GRAMD1C: variants seen among roughly 807,000 people sequenced by gnomAD.
GRAMD1C encodes GRAM domain containing 1C.
A neutral mutation model predicts 97.8 loss-of-function variants in GRAMD1C; 89 were observed. That is an observed-to-expected ratio of 0.91 (90% CI 0.77 to 1.09). The LOEUF (loss-of-function observed/expected upper bound fraction) is 1.09, where lower values mean the gene tolerates loss of function less well. Among genes scored for constraint, GRAMD1C ranks in the 50% least tolerant of loss-of-function variants. GRAMD1C has a pLI of 0.00. For missense variants in GRAMD1C, 740 were observed against 766.4 expected, an observed-to-expected ratio of 0.97 and a Z score of 0.41; for synonymous variants, 256 against 267.0, an observed-to-expected ratio of 0.96 and a Z score of 0.40.
rs777978049 is a variant in GRAMD1C, at chr3:113,933,572, A to G, written c.1271A>G (p.His424Arg). Residue 424 changes from histidine (H) to arginine (R), a missense_variant, in exon 12 of 18, where the codon CAT (histidine) becomes CGT (arginine). His to Arg is a conservative substitution (Grantham distance 29). Coordinates refer to ENST00000358160, the MANE Select transcript of GRAMD1C (RefSeq NM_017577.5). ...TTGGTAGATTCAGAAGTACTGACAC[A>G]TGATGTCCCCTACCATGATTACTTC... ...FYLVDSEVLT[H>R]DVPYHDYFYT... The G allele has an allele frequency of 4.8e-5, 77 of 1,602,894 alleles. 1 individual carries two copies. In the South Asian group the frequency reaches 8.0e-4, roughly 17 times the overall value.
chr3:113,850,562 G>T (rs535261955), intron 2 of GRAMD1C: 6 of 1,602,966 alleles, frequency 3.7e-6, no homozygotes, highest in Non-Finnish European at 5.1e-6. Context: ...GTTCCTTCAC[G>T]TAGCCTCAGG....
At chr3:113,912,011 G>A (rs1024989303) in intron 9 of GRAMD1C, among the ~76,000 whole-genome samples, 3 of 152,282 alleles carry the variant, frequency 2.0e-5, no homozygotes, top group Middle Eastern at 3.4e-3. Context: ...ACAGGCATGA[G>A]CCACCGCACC....
chr3:113,940,725 T>C (rs1336429286), intron 17 of GRAMD1C, among the ~76,000 whole-genome samples: 1 of 152,200 alleles, frequency 6.6e-6, no homozygotes, highest in Non-Finnish European at 1.5e-5. Flanking sequence ...CACTGTCCAT[T>C]ATTTTACTTT....
chr3:113,868,892 C>T (rs550411961), intron 2 of GRAMD1C, among the ~76,000 whole-genome samples: 5 of 152,100 alleles, frequency 3.3e-5, no homozygotes, highest in African/African-American at 7.2e-5. Flanking sequence ...GGCTTCCTCT[C>T]CTTCAAGATC....
chr3:113,848,987 AC>A (rs1217947027), intron 2 of GRAMD1C, among the ~76,000 whole-genome samples: 2 of 151,616 alleles, frequency 1.3e-5, no homozygotes, highest in Non-Finnish European at 2.9e-5. Context: ...AAAATGTAAA[AC>A]AAACAAACAA....
chr3:113,830,747 A>G (rs1709546910), intron 1 of GRAMD1C, among the ~76,000 whole-genome samples: 1 of 152,238 alleles, frequency 6.6e-6, no homozygotes, highest in African/African-American at 2.4e-5. Context: ...TATGCAATGC[A>G]TGACTGCACT....
At chr3:113,943,347 C>T (rs1273461477) in intron 17 of GRAMD1C, among the ~76,000 whole-genome samples, 2 of 152,162 alleles carry the variant, frequency 1.3e-5, no homozygotes, top group Admixed American at 6.5e-5. Flanking sequence ...ATGTAATTTA[C>T]ATACAATAAA....
chr3:113,911,000 C>A (rs143632437), intron 9 of GRAMD1C, among the ~76,000 whole-genome samples: 1 of 152,248 alleles, frequency 6.6e-6, no homozygotes, highest in African/African-American at 2.4e-5. Context: ...TCATATAATT[C>A]TGGAGGATAG....
At chr3:113,846,253 C>T (rs1470032938) in intron 2 of GRAMD1C, among the ~76,000 whole-genome samples, 1 of 151,990 alleles carries the variant, frequency 6.6e-6, no homozygotes, top group Non-Finnish European at 1.5e-5. Context: ...ATTACAAGCA[C>T]CTGTCACCAC....
At chr3:113,847,225 A>C (rs1577119480) in intron 2 of GRAMD1C, among the ~76,000 whole-genome samples, 1 of 152,226 alleles carries the variant, frequency 6.6e-6, no homozygotes, top group African/African-American at 2.4e-5. Context: ...TTTTTTACTG[A>C]TATCTCTTAT....
Position 113,933,603 on chromosome 3 carries a change from C to A in GRAMD1C, c.1302C>A (p.Thr434=), listed in dbSNP as rs146998067. The change falls in exon 12 of 18, where the codon ACC becomes ACA. Residue 434 remains threonine, a synonymous_variant. Coordinates refer to ENST00000358160, the MANE Select transcript of GRAMD1C (RefSeq NM_017577.5). ...TCCCCTACCATGATTACTTCTATAC[C>A]GTGAACAGATACTGTATCATCCGAT... is the stretch of plus-strand genomic sequence containing the variant. ...HDVPYHDYFY[T]VNRYCIIRSS... is the part of the protein sequence containing the mutation. The A allele has an allele frequency of 6.2e-7, 1 of 1,601,906 alleles. No individual in the cohort carries two copies.
intron 1 of GRAMD1C, 48 bp downstream of exon 1, chr3:113,838,984 C>T (rs1709702920): frequency 4.3e-6 from 5 of 1,158,652 alleles, no homozygotes; most frequent in Non-Finnish European, 5.5e-6. Context: ...TGGCTTTAGC[C>T]TACTTTTTCT....
intron 10 of GRAMD1C, among the ~76,000 whole-genome samples, chr3:113,925,346 G>A (rs370282579): frequency 2.6e-5 from 4 of 152,244 alleles, no homozygotes; most frequent in African/African-American, 7.2e-5. Context: ...AAAATTAGCC[G>A]GGCATGGTGG....
At chr3:113,896,610 C>T (rs1330176895) in intron 6 of GRAMD1C, among the ~76,000 whole-genome samples, 1 of 152,206 alleles carries the variant, frequency 6.6e-6, no homozygotes, top group South Asian at 2.1e-4. Flanking sequence ...ATGAGAACTA[C>T]CATAATATGC....
intron 3 of GRAMD1C, among the ~76,000 whole-genome samples, chr3:113,871,820 A>G (rs1388882304): frequency 6.6e-6 from 1 of 151,178 alleles, no homozygotes. Context: ...ATGCACCTGT[A>G]GTCCCAGCTA....
chr3:113,894,016 G>A (rs1375844486), intron 6 of GRAMD1C, among the ~76,000 whole-genome samples: 6 of 152,104 alleles, frequency 3.9e-5, no homozygotes, highest in African/African-American at 1.4e-4. Flanking sequence ...CCTTCAATAT[G>A]TACGGTGAGA....
chr3:113,879,674 C>G (rs962470235), intron 5 of GRAMD1C, among the ~76,000 whole-genome samples: 6 of 150,742 alleles, frequency 4.0e-5, no homozygotes, highest in African/African-American at 1.5e-4. Context: ...ACACTCCACA[C>G]GGGATGACCT....
chr3:113,933,766 T>C (rs1456637340), intron 12 of GRAMD1C, 113 bp downstream of exon 12: 1 of 755,628 alleles, frequency 1.3e-6, no homozygotes. Context: ...TTGCTTAAAT[T>C]ACATTTCCAA....
At chr3:113,862,497 A>G (rs1577137242) in intron 2 of GRAMD1C, among the ~76,000 whole-genome samples, 1 of 152,308 alleles carries the variant, frequency 6.6e-6, no homozygotes, top group African/African-American at 2.4e-5. Flanking sequence ...TTTCCTGAAC[A>G]TTGCTGTTAT....
Sources: allele counts gnomAD v4.1 joint callset (sites outside exome capture counted in the v4.1 genomes callset), GRCh38; gene constraint gnomAD v4.1.1; transcripts MANE v1.5; gene names NCBI Gene and HGNC (gene_info 2026-07-23, HGNC 2026-07-21).